CCDC171: variants seen among roughly 807,000 people sequenced by gnomAD.
CCDC171 encodes the protein coiled-coil domain-containing protein 171.
In CCDC171, 177 loss-of-function variants were observed where a neutral mutation model predicts 168.2. That is an observed-to-expected ratio of 1.05 (90% CI 0.93 to 1.19). The LOEUF is 1.19. CCDC171 is among the 50% of genes most tolerant of loss of function. CCDC171 has a pLI of 0.00. For missense variants in CCDC171, 1,991 were observed against 1,539.0 expected, an observed-to-expected ratio of 1.29 and a Z score of -4.91; for synonymous variants, 687 against 540.8, an observed-to-expected ratio of 1.27 and a Z score of -3.75.
intron 21 of CCDC171, among the ~76,000 whole-genome samples, chr9:15,826,231 C>G (rs1283805628): frequency 1.3e-5 from 2 of 151,960 alleles, no homozygotes; most frequent in African/African-American, 4.8e-5. Context: ...TGGTGTTTAA[C>G]AAGCAAATAT....
At chr9:15,786,101 C>T (rs754869418) in intron 21 of CCDC171, among the ~76,000 whole-genome samples, 73 of 151,958 alleles carry the variant, frequency 4.8e-4, no homozygotes, top group Non-Finnish European at 9.0e-4. Flanking sequence ...TATGTTTTTC[C>T]AAATACATGT....
intron 4 of CCDC171, among the ~76,000 whole-genome samples, chr9:15,586,967 G>A (rs1282981651): frequency 1.3e-5 from 2 of 151,910 alleles, no homozygotes; most frequent in South Asian, 2.1e-4. Context: ...GCCACCACAC[G>A]TGACTAATTA....
At chr9:15,748,288 A>C (rs951181071) in intron 18 of CCDC171, among the ~76,000 whole-genome samples, 1 of 152,202 alleles carries the variant, frequency 6.6e-6, no homozygotes, top group African/African-American at 2.4e-5. Context: ...GGAGTAAAAA[A>C]AATGAACAAA....
intron 7 of CCDC171, among the ~76,000 whole-genome samples, chr9:15,651,685 C>T (rs1365156483): frequency 6.6e-6 from 1 of 151,654 alleles, no homozygotes; most frequent in African/African-American, 2.4e-5. Context: ...CAGCATTTCA[C>T]TCTTTTTTTT....
chr9:15,892,995 A>C (rs778294969), intron 24 of CCDC171, among the ~76,000 whole-genome samples: 3 of 152,186 alleles, frequency 2.0e-5, no homozygotes, highest in African/African-American at 4.8e-5. Context: ...CTAAGCAAAA[A>C]GAACAAAGCT....
At chr9:16,059,690 A>AT (rs1482278692) in intron 1 of CCDC171, among the ~76,000 whole-genome samples, 1 of 146,380 alleles carries the variant, frequency 6.8e-6, no homozygotes, top group Non-Finnish European at 1.5e-5. Flanking sequence ...AATTTTTTGT[A>AT]TTTTTAGTAG....
chr9:15,806,853 G>T lies in CCDC171; in HGVS notation c.3267+22159G>T, dbSNP rs572143892. 2.0e-4 allele frequency among the ~76,000 whole-genome samples: 31 copies of T among 152,104 alleles called. 1 individual carries two copies. The South Asian group carries it at 5.8e-3, about 29-fold the overall frequency. ...TTTGCTTTCTCTCCATCCCTTTGAG[G>T]GATTCCAGTAATTTGTAGATTTTGC... On this transcript the variant is annotated intron_variant, in intron 21 of 25. Transcript: ENST00000380701.
downstream of CCDC171, among the ~76,000 whole-genome samples, chr9:16,064,755 A>C (rs1833973800): frequency 6.6e-6 from 1 of 152,232 alleles, no homozygotes; most frequent in South Asian, 2.1e-4. Context: ...AGACCATGCC[A>C]CTAAGAAAAT....
rs369681970 is a variant in CCDC171 at position 15,824,511 on chromosome 9, G to A, written c.3268-22191G>A. 4.6e-5 allele frequency among the ~76,000 whole-genome samples: 7 copies of A among 152,036 alleles called. No individual in the cohort carries two copies. The East Asian group carries it at 1.2e-3, about 25-fold the overall frequency. On this transcript the variant is annotated intron_variant, in intron 21 of 25. Transcript: ENST00000380701. ...ACAGTTAGTGGTATGCTGCCCCCAG[G>A]TGTTGGCAAGTACTTTGATTCACAT...
chr9:15,636,227 A>G (rs1464208615), intron 7 of CCDC171, among the ~76,000 whole-genome samples: 1 of 152,198 alleles, frequency 6.6e-6, no homozygotes, highest in Admixed American at 6.5e-5. Context: ...GGACTTACCA[A>G]CAGAAATGCC....
chr9:15,709,931 C>T (rs746149335), intron 11 of CCDC171, among the ~76,000 whole-genome samples: 1 of 152,020 alleles, frequency 6.6e-6, no homozygotes, highest in Non-Finnish European at 1.5e-5. Flanking sequence ...CAACATTTAT[C>T]AACTTAAGAA....
At chr9:16,073,043 T>A in the CCDC171 span, among the ~76,000 whole-genome samples, 1 of 152,206 alleles carries the variant, frequency 6.6e-6, no homozygotes, top group Non-Finnish European at 1.5e-5. Context: ...TGTGCATTAT[T>A]TTTTAGTCAA....
intron 25 of CCDC171, among the ~76,000 whole-genome samples, chr9:15,963,507 C>T (rs1306001849): frequency 6.6e-6 from 1 of 152,110 alleles, no homozygotes; most frequent in African/African-American, 2.4e-5. Flanking sequence ...TTTTTGTCTT[C>T]CAGAAAGGTT....
chr9:15,953,574 T>C (rs1829448802), intron 25 of CCDC171, among the ~76,000 whole-genome samples: 1 of 152,134 alleles, frequency 6.6e-6, no homozygotes, highest in Non-Finnish European at 1.5e-5. Context: ...TTGAATTCAG[T>C]TGCTTGTATT....
At chr9:15,712,936 C>G (rs2134053695) in intron 11 of CCDC171, among the ~76,000 whole-genome samples, 2 of 152,292 alleles carry the variant, frequency 1.3e-5, no homozygotes, top group South Asian at 4.1e-4. Context: ...TAGAATACTT[C>G]ATTTTGCCCT....
intron 23 of CCDC171, among the ~76,000 whole-genome samples, chr9:15,871,049 T>C (rs1010132501): frequency 1.3e-5 from 2 of 151,564 alleles, no homozygotes; most frequent in African/African-American, 2.4e-5. Context: ...ATTAGAGATA[T>C]CTCCTTTCTG....
intron 18 of CCDC171, among the ~76,000 whole-genome samples, chr9:15,752,721 A>G (rs1193221140): frequency 6.6e-6 from 1 of 152,134 alleles, no homozygotes; most frequent in Non-Finnish European, 1.5e-5. Flanking sequence ...GGAGGAGAAC[A>G]TCACACACCA....
chr9:15,605,401 C>T (rs1228062637), intron 6 of CCDC171, among the ~76,000 whole-genome samples: 5 of 151,140 alleles, frequency 3.3e-5, no homozygotes, highest in South Asian at 2.1e-4. Flanking sequence ...CTAATTTGGC[C>T]GGGCAGAGTG....
chr9:15,602,042 A>G (rs573954735), intron 6 of CCDC171, among the ~76,000 whole-genome samples: 17 of 152,310 alleles, frequency 1.1e-4, no homozygotes, highest in Non-Finnish European at 1.9e-4. Flanking sequence ...AAATGTGGGA[A>G]TATGCTCCCT....
Sources: allele counts gnomAD v4.1 joint callset (sites outside exome capture counted in the v4.1 genomes callset), GRCh38; gene constraint gnomAD v4.1.1; transcripts MANE v1.5; gene names NCBI Gene and HGNC (gene_info 2026-07-23, HGNC 2026-07-21).